Variants in TCF4 observed in about 807,000 individuals in gnomAD.
The protein encoded by TCF4 is SL3-3 enhancer factor 2.
A neutral mutation model predicts 82.1 loss-of-function variants in TCF4; 3 were observed. That is an observed-to-expected ratio of 0.04 (90% CI 0.02 to 0.09). The LOEUF (loss-of-function observed/expected upper bound fraction) is 0.09. Ranked by LOEUF, TCF4 falls within the 10% of genes least tolerant of loss-of-function variation. The probability of loss-of-function intolerance (pLI) is 1.00; values close to 1 mark genes in which losing one functional copy is unlikely to be tolerated. For missense variants in TCF4, 518 were observed against 852.7 expected (o/e 0.61, Z 4.89); for synonymous variants, 276 against 309.6 (o/e 0.89, Z 1.14).
At chr18:55,573,615 C>A (rs2097498740) in intron 3 of TCF4, among the ~76,000 whole-genome samples, 1 of 152,196 alleles carries the variant, frequency 6.6e-6, no homozygotes, top group Non-Finnish European at 1.5e-5. Flanking sequence ...CATGCCCTAC[C>A]TGTCAGCCAA....
chr18:55,239,456 A>AGG (rs970100336), intron 15 of TCF4, among the ~76,000 whole-genome samples: 40 of 152,292 alleles, frequency 2.6e-4, no homozygotes, highest in African/African-American at 9.1e-4. Flanking sequence ...GAGGAGAGTT[A>AGG]GGGGGCAAGA....
intron 3 of TCF4, among the ~76,000 whole-genome samples, chr18:55,495,402 A>G (rs2096624001): frequency 2.0e-5 from 3 of 152,194 alleles, no homozygotes; most frequent in Admixed American, 2.0e-4. Flanking sequence ...TAACTTTTAA[A>G]TCTTGTCCTA....
intron 3 of TCF4, among the ~76,000 whole-genome samples, chr18:55,538,760 A>G (rs2097140214): frequency 6.6e-6 from 1 of 152,210 alleles, no homozygotes; most frequent in African/African-American, 2.4e-5. Context: ...TGAACACCAA[A>G]TCACTCTTCT....
intron 6 of TCF4, among the ~76,000 whole-genome samples, chr18:55,355,541 C>T (rs563190902): frequency 1.3e-5 from 2 of 152,156 alleles, no homozygotes; most frequent in Admixed American, 6.5e-5. Context: ...GAATATATCT[C>T]GCACCAAAGG....
intron 6 of TCF4, among the ~76,000 whole-genome samples, chr18:55,365,807 G>A (rs374698959): frequency 6.6e-6 from 1 of 152,074 alleles, no homozygotes; most frequent in Non-Finnish European, 1.5e-5. Context: ...CAGGAGAATC[G>A]CTTGAACTCG....
At chr18:55,612,818 C>T (rs551885453) in intron 2 of TCF4, among the ~76,000 whole-genome samples, 2 of 151,998 alleles carry the variant, frequency 1.3e-5, no homozygotes, top group Non-Finnish European at 2.9e-5. Context: ...CGTGGTGGTG[C>T]GTGCCTGTAA....
chr18:55,437,163 G>A (rs1173549934), intron 5 of TCF4, among the ~76,000 whole-genome samples: 4 of 152,158 alleles, frequency 2.6e-5, no homozygotes, highest in African/African-American at 9.7e-5. Context: ...TATTTATAAT[G>A]CTGACTTCCC....
chr18:55,628,609 T>C (rs952677281), intron 2 of TCF4, among the ~76,000 whole-genome samples: 8 of 152,146 alleles, frequency 5.3e-5, no homozygotes, highest in Non-Finnish European at 1.0e-4. Context: ...GTGATGGTCA[T>C]TGGAAAACAC....
At chr18:55,340,747 C>T (rs1451822242) in intron 8 of TCF4, among the ~76,000 whole-genome samples, 1 of 152,014 alleles carries the variant, frequency 6.6e-6, no homozygotes, top group Non-Finnish European at 1.5e-5. Flanking sequence ...TTCTCAAATG[C>T]CAAATGAAAG....
intron 3 of TCF4, among the ~76,000 whole-genome samples, chr18:55,517,667 A>T (rs2096895958): frequency 6.6e-6 from 1 of 152,244 alleles, no homozygotes; most frequent in Non-Finnish European, 1.5e-5. Context: ...AAATGAAAAA[A>T]CTAAAGGTGT....
At position 55,468,482 on chromosome 18, in the gene TCF4, A is replaced by T. The variant is rs565483258; in HGVS notation, c.146-4345T>A. Among the ~76,000 whole-genome samples, 51 of 152,348 alleles carry T rather than the reference A, an allele frequency of 3.3e-4. 1 individual carries two copies. In the South Asian group the frequency reaches 9.1e-3, roughly 27 times the overall value. On this transcript the variant is annotated intron_variant, in intron 3 of 19. Coordinates refer to ENST00000354452, the MANE Select transcript of TCF4 (RefSeq NM_001083962.2). Reference sequence around the variant, plus strand: ...CATAGCAGCCCATAGTATCAACAGTAGGCACAATGATAAAACTTGTATGGC... The same window carrying T: ...CATAGCAGCCCATAGTATCAACAGTTGGCACAATGATAAAACTTGTATGGC...
chr18:55,228,784 A>C (rs2047058374), intron 18 of TCF4, 63 bp downstream of exon 18: 1 of 1,567,138 alleles, frequency 6.4e-7, no homozygotes, highest in Non-Finnish European at 8.7e-7. Flanking sequence ...TGGCGTGCCC[A>C]TCTCAGCTTG....
intron 6 of TCF4, among the ~76,000 whole-genome samples, chr18:55,383,344 A>C (rs2092219953): frequency 6.6e-6 from 1 of 152,210 alleles, no homozygotes; most frequent in African/African-American, 2.4e-5. Context: ...TCCAATACCC[A>C]CACACTGTCC....
intron 6 of TCF4, among the ~76,000 whole-genome samples, chr18:55,376,109 C>A (rs1250288122): frequency 2.0e-5 from 3 of 150,844 alleles, no homozygotes; most frequent in Non-Finnish European, 4.4e-5. Flanking sequence ...GCAACCTCCA[C>A]CCCCAGGGCT....
chr18:55,565,071 T>G (rs941235380), intron 3 of TCF4, among the ~76,000 whole-genome samples: 4 of 152,218 alleles, frequency 2.6e-5, no homozygotes, highest in African/African-American at 9.7e-5. Context: ...GAGGAAACTG[T>G]GTTGTGCAGA....
At chr18:55,317,457 C>T (rs2074425916) in intron 8 of TCF4, among the ~76,000 whole-genome samples, 1 of 151,968 alleles carries the variant, frequency 6.6e-6, no homozygotes, top group Non-Finnish European at 1.5e-5. Context: ...GCATAGTTGA[C>T]ACTCTACTGG....
At chr18:55,442,108 A>C (rs912452148) in intron 5 of TCF4, among the ~76,000 whole-genome samples, 7 of 152,248 alleles carry the variant, frequency 4.6e-5, no homozygotes, top group African/African-American at 1.7e-4. Flanking sequence ...AACAATGTGC[A>C]AAATAGTCCA....
chr18:55,452,131 T>C (rs905706679), intron 5 of TCF4, among the ~76,000 whole-genome samples: 4 of 151,746 alleles, frequency 2.6e-5, no homozygotes, highest in Non-Finnish European at 2.9e-5. Flanking sequence ...TAATGATAGA[T>C]GGTCCTTCCC....
chr18:55,286,358 T>C (rs1379576995), intron 8 of TCF4, among the ~76,000 whole-genome samples: 2 of 151,932 alleles, frequency 1.3e-5, no homozygotes, highest in Non-Finnish European at 1.5e-5. Flanking sequence ...TCACATCTAC[T>C]GCCCTCTGTC....
Sources: allele counts gnomAD v4.1 joint callset (sites outside exome capture counted in the v4.1 genomes callset), GRCh38; gene constraint gnomAD v4.1.1; transcripts MANE v1.5; gene names NCBI Gene and HGNC (gene_info 2026-07-23, HGNC 2026-07-21).